The following CUL4A variants were observed in gnomAD, a reference collection of about 807,000 sequenced individuals.
CUL4A encodes the protein cullin-4A.
CUL4A carries 16 observed loss-of-function variants against 95.5 expected under a neutral mutation model. The ratio of observed to expected loss-of-function variants is 0.17; its 90% confidence interval spans 0.11 to 0.25. The LOEUF is 0.25. CUL4A is among the 10% of genes least tolerant of loss of function. The pLI is 1.00. For synonymous variants in CUL4A, 380 were observed against 353.1 expected, an observed-to-expected ratio of 1.08 and a Z score of -0.85; for missense variants, 610 against 937.0, an observed-to-expected ratio of 0.65 and a Z score of 4.56.
intron 2 of CUL4A, 111 bp from the exon 3 acceptor site, chr13:113,218,834 A>AGGGTGTG (rs2040791154): frequency 1.1e-5 from 7 of 642,312 alleles, no homozygotes; most frequent in Non-Finnish European, 1.9e-5. Context: ...GTACTGGGGT[A>AGGGTGTG]GGGTGTGGGG....
chr13:113,212,014 G>GGGTGT (rs752089251), intron 2 of CUL4A, among the ~76,000 whole-genome samples: 3 of 152,220 alleles, frequency 2.0e-5, no homozygotes, highest in Non-Finnish European at 4.4e-5. Context: ...CTGTGCTTGT[G>GGGTGT]GGTGTGTGGT....
chr13:113,262,566 T>C (rs1358028517), intron 19 of CUL4A, among the ~76,000 whole-genome samples: 1 of 152,164 alleles, frequency 6.6e-6, no homozygotes, highest in Non-Finnish European at 1.5e-5. Context: ...CGAAGATTGC[T>C]TGAGTCCAGG....
chr13:113,210,531 G>C (rs376500294), intron 2 of CUL4A, among the ~76,000 whole-genome samples: 5 of 152,204 alleles, frequency 3.3e-5, no homozygotes, highest in African/African-American at 1.2e-4. Context: ...CAGAAAAAGT[G>C]GTTTTGTTCT....
chr13:113,215,533 A>G (rs1227064498), intron 2 of CUL4A, among the ~76,000 whole-genome samples: 2 of 137,098 alleles, frequency 1.5e-5, no homozygotes, highest in Non-Finnish European at 3.1e-5. Flanking sequence ...GTGGCTGTGG[A>G]GGTCTCTTTG....
At chr13:113,227,213 C>G (rs1297632025) in intron 3 of CUL4A, among the ~76,000 whole-genome samples, 1 of 152,236 alleles carries the variant, frequency 6.6e-6, no homozygotes, top group African/African-American at 2.4e-5. Context: ...GCTGCCATGA[C>G]AAAACACCAT....
intron 3 of CUL4A, 53 bp from the exon 4 acceptor site, chr13:113,227,919 AAAAG>A: frequency 5.7e-6 from 7 of 1,220,768 alleles, no homozygotes; most frequent in African/African-American, 1.5e-5. Flanking sequence ...AAAAAAAAAA[AAAAG>A]GTAATAATTA....
At chr13:113,260,075 G>A (rs957276151) in intron 18 of CUL4A, among the ~76,000 whole-genome samples, 26 of 150,340 alleles carry the variant, frequency 1.7e-4, no homozygotes, top group Non-Finnish European at 3.7e-4. Context: ...ATGGTGGGGG[G>A]GCACCGTAGT....
chr13:113,262,167 G>T (rs922492215), intron 19 of CUL4A, among the ~76,000 whole-genome samples: 6 of 152,214 alleles, frequency 3.9e-5, no homozygotes, highest in Non-Finnish European at 7.3e-5. Context: ...TATAGGGAGA[G>T]CCTTGCACGT....
chr13:113,257,950 T>C (rs1473814129), intron 18 of CUL4A, among the ~76,000 whole-genome samples: 1 of 152,172 alleles, frequency 6.6e-6, no homozygotes, highest in Non-Finnish European at 1.5e-5. Flanking sequence ...CAAATTCATA[T>C]AGGTCAGTTT....
intron 10 of CUL4A, among the ~76,000 whole-genome samples, chr13:113,241,990 T>C (rs975386251): frequency 3.9e-5 from 6 of 152,040 alleles, no homozygotes; most frequent in African/African-American, 1.4e-4. Flanking sequence ...ACACAGACTT[T>C]TAGGAATGTT....
chr13:113,255,494 G>A (rs1008022411), intron 18 of CUL4A, among the ~76,000 whole-genome samples: 3 of 152,090 alleles, frequency 2.0e-5, no homozygotes, highest in African/African-American at 7.2e-5. Context: ...ATAATGTTAT[G>A]TATCCACCAT....
chr13:113,248,020 G>A (rs2041899702), intron 15 of CUL4A, among the ~76,000 whole-genome samples: 2 of 152,158 alleles, frequency 1.3e-5, no homozygotes, highest in Admixed American at 6.5e-5. Context: ...GGATCCTGGC[G>A]GGAGGTGCGC....
chr13:113,210,700 CT>C (rs1357692252), intron 2 of CUL4A, among the ~76,000 whole-genome samples: 3 of 152,122 alleles, frequency 2.0e-5, no homozygotes, highest in South Asian at 4.1e-4. Context: ...CTGGTGTCTT[CT>C]TTTTGTAAAG....
intron 2 of CUL4A, among the ~76,000 whole-genome samples, chr13:113,211,706 T>C (rs1361667152): frequency 6.6e-6 from 1 of 152,056 alleles, no homozygotes; most frequent in Non-Finnish European, 1.5e-5. Flanking sequence ...TAAATAAAGC[T>C]GCTGTAAACA....
At position 113,209,979 on chromosome 13, in the gene CUL4A, C is replaced by T. The variant is rs1595330652; in HGVS notation, c.155C>T (p.Pro52Leu). Residue 52 changes from proline (P) to leucine (L), a missense_variant, in exon 2 of 20, where the codon CCT becomes CTT. Around this residue, in one of 10 missense-constraint regions of CUL4A, gnomAD observed 168 missense variants for 185.5 expected, o/e 0.91. Coordinates refer to ENST00000375440, the MANE Select transcript of CUL4A (RefSeq NM_001008895.4). Reference protein sequence around the residue: ...KLVIKNFRDRPRLPDNYTQDT... With the variant: ...KLVIKNFRDRLRLPDNYTQDT... ...CTCTCCCTCCGCCCTGCAGACAGACCTCGGCTGCCCGACAACTACACGCAG... is the reference window on the plus strand; with the variant it reads ...CTCTCCCTCCGCCCTGCAGACAGACTTCGGCTGCCCGACAACTACACGCAG... 5 of 1,512,306 alleles carry T rather than the reference C, an allele frequency of 3.3e-6. No homozygotes were observed. Among genetic ancestry groups the T allele is most frequent in the Non-Finnish European group, 1.8e-6 (2 of 1,131,314 alleles). 93.7% of individuals were successfully genotyped at this position (1,512,306 alleles called of 1,614,324 possible).
intron 4 of CUL4A, among the ~76,000 whole-genome samples, chr13:113,228,630 A>G (rs549354272): frequency 5.9e-5 from 9 of 152,052 alleles, no homozygotes; most frequent in East Asian, 5.8e-4. Context: ...TGCGTTCACA[A>G]GTCTCCCCAG....
intron 3 of CUL4A, 41 bp downstream of exon 3, chr13:113,219,089 A>C: frequency 7.9e-7 from 1 of 1,273,448 alleles, no homozygotes; most frequent in Non-Finnish European, 1.1e-6. Flanking sequence ...TTCATTATCT[A>C]AGTCTTTTAA....
intron 5 of CUL4A, among the ~76,000 whole-genome samples, chr13:113,232,380 C>A (rs2041383108): frequency 6.6e-6 from 1 of 152,058 alleles, no homozygotes; most frequent in Non-Finnish European, 1.5e-5. Flanking sequence ...CACCACCTGT[C>A]CACCACTATA....
chr13:113,266,090 A>G lies in CUL4A; in HGVS notation c.*2508A>G, dbSNP rs1177376300. ...GAGTGCAGTGGCATGATCATGTTTC[A>G]CGGCAGCCTCTACCTTCTGGGCTCA... On this transcript the variant is annotated 3_prime_UTR_variant, in exon 20 of 20. Transcript: ENST00000375440. The G allele has an allele frequency of 6.6e-6, 1 of 152,238 alleles. No homozygotes were observed. The highest frequency in any genetic ancestry group is 6.5e-5 in the Admixed American group (1 of 15,284). 9.4% of individuals were successfully genotyped at this position (152,238 alleles called of 1,614,324 possible).
Sources: gnomAD v4.1 joint callset for allele counts (sites outside exome capture counted in the v4.1 genomes callset) on GRCh38, gnomAD v4.1.1 for gene constraint, gnomAD v4.1.1 regional missense constraint, MANE v1.5 for transcripts, NCBI Gene and HGNC (gene_info 2026-07-23, HGNC 2026-07-21) for gene names.